The following MAP3K4 variants were observed in gnomAD, a reference collection of about 807,000 sequenced individuals.
MAP3K4 encodes mitogen-activated protein kinase kinase kinase 4.
MAP3K4 carries 67 observed loss-of-function variants against 185.6 expected under a neutral mutation model. That is an observed-to-expected ratio of 0.36 (90% CI 0.30 to 0.44). The LOEUF is 0.44. Among genes scored for constraint, MAP3K4 ranks in the 20% least tolerant of loss-of-function variants. The pLI is 1.00. For synonymous variants in MAP3K4, 702 were observed against 710.4 expected, an observed-to-expected ratio of 0.99 and a Z score of 0.19; for missense variants, 1,551 against 1,995.1, an observed-to-expected ratio of 0.78 and a Z score of 4.24.
At chr6:161,006,306 G>A (rs551113014) in intron 1 of MAP3K4, among the ~76,000 whole-genome samples, 1 of 152,190 alleles carries the variant, frequency 6.6e-6, no homozygotes, top group Non-Finnish European at 1.5e-5. Flanking sequence ...GTATCTGTGG[G>A]TTCTGCATCT....
In MAP3K4 at chr6:161,084,545, A is replaced by G. The variant is rs139355462; in HGVS notation, c.2300A>G (p.Glu767Gly). Residue 767 changes from glutamate to glycine, a missense_variant, in exon 7 of 27, where the codon GAA (glutamate) becomes GGA (glycine). Glu to Gly is a moderately conservative substitution (Grantham distance 98, BLOSUM62 -2). Coordinates refer to ENST00000392142, the MANE Select transcript of MAP3K4 (RefSeq NM_005922.4). This position sits in a 1 kb window ranked among gnomAD's most constrained non-coding sequence, Gnocchi z 4.6. ...CTGAAATCTACAGGAAGTTTTTTAG[A>G]ATTTGGCTTACAGGAGAGCTGTGCT... Reference protein sequence around the residue: ...MLLKSTGSFLEFGLQESCAEF... With the variant: ...MLLKSTGSFLGFGLQESCAEF... 86 of 1,611,260 alleles carry G rather than the reference A, an allele frequency of 5.3e-5. 1 individual carries two copies. Among genetic ancestry groups the G allele is most frequent in the Non-Finnish European group, 7.2e-5 (85 of 1,177,546 alleles).
rs1783601796 is a variant in MAP3K4 at position 161,043,832 on chromosome 6, TA to T, written c.344-4781del. ...ATTACTCTGAAGATCATCTCATACT[TA>T]AAGATTATCCATCTGTTTACATCTC... is the stretch of plus-strand genomic sequence containing the variant. On this transcript the variant is annotated intron_variant, in intron 2 of 26. Transcript: ENST00000392142. The surrounding 1 kb of genome is among the most constrained non-coding windows in gnomAD (Gnocchi z 4.3). Among the ~76,000 whole-genome samples the T allele has an allele frequency of 6.6e-6, 1 of 152,202 alleles. No homozygotes were observed.
At position 160,991,988 on chromosome 6, in the gene MAP3K4, C is replaced by G; in HGVS notation, c.57C>G (p.Ala19=). The change falls in exon 1 of 27, where the codon GCC becomes GCG. Residue 19 remains alanine (A), a synonymous_variant. Coordinates refer to ENST00000392142, the MANE Select transcript of MAP3K4 (RefSeq NM_005922.4). This position sits in a 1 kb window ranked among gnomAD's most constrained non-coding sequence, Gnocchi z 5.7. ...CTCCCGCCTTTGCCGTCACGCCTGCCGCCGCCATGGAGGAGCCGCCGCCAC... is the reference window on the plus strand; with the variant it reads ...CTCCCGCCTTTGCCGTCACGCCTGCGGCCGCCATGGAGGAGCCGCCGCCAC... ...VPPPAFAVTP[A]AAMEEPPPPP... is the part of the protein sequence containing the mutation. 6.5e-7 allele frequency: 1 copy of G among 1,546,392 alleles called. No homozygotes were observed. Among genetic ancestry groups the G allele is most frequent in the Non-Finnish European group, 8.7e-7 (1 of 1,152,594 alleles).
intron 10 of MAP3K4, 99 bp from the exon 11 acceptor site, chr6:161,089,223 T>G: frequency 1.5e-6 from 2 of 1,306,888 alleles, no homozygotes; most frequent in Non-Finnish European, 2.1e-6. Flanking sequence ...GTTGGCCTGG[T>G]ATCCCTGAGA....
intron 1 of MAP3K4, among the ~76,000 whole-genome samples, chr6:161,028,935 G>A (rs1782795838): frequency 6.6e-6 from 1 of 152,098 alleles, no homozygotes; most frequent in Non-Finnish European, 1.5e-5. Context: ...TAATAAATTG[G>A]CTCTTGTAGT....
intron 1 of MAP3K4, among the ~76,000 whole-genome samples, chr6:161,012,217 A>T (rs1442113371): frequency 6.6e-6 from 1 of 152,190 alleles, no homozygotes; most frequent in African/African-American, 2.4e-5. Context: ...GTCTTAATTC[A>T]CTGAACATCT....
chr6:161,011,720 G>A lies in MAP3K4; in HGVS notation c.152+19637G>A, dbSNP rs114461485. On this transcript the variant is annotated intron_variant, in intron 1 of 26. Transcript: ENST00000392142. ...AGAGAACCAAAGGAGGAGTATGTGT[G>A]TATTGAGGAACAGTTACTAAAAAGG... 2.3e-3 allele frequency among the ~76,000 whole-genome samples: 348 copies of A among 152,288 alleles called. 1 individual carries two copies. The highest frequency in any genetic ancestry group is 7.8e-3 in the African/African-American group (324 of 41,558).
rs921647809 is a variant in MAP3K4 at position 161,054,420 on chromosome 6, G to A, written c.1707+4441G>A. 4.6e-5 allele frequency among the ~76,000 whole-genome samples: 7 copies of A among 152,216 alleles called. No individual in the cohort carries two copies. Among genetic ancestry groups the A allele is most frequent in the African/African-American group, 1.7e-4 (7 of 41,448 alleles). On this transcript the variant is annotated intron_variant, in intron 3 of 26. Transcript: ENST00000392142. The surrounding 1 kb of genome is among the most constrained non-coding windows in gnomAD (Gnocchi z 4.2). Reference sequence around the variant, plus strand: ...TCCACCCGCCTTGGCCTCCCAAAGTGCTGGGATGATAGGTGTGAGCCACCG... The same window carrying A: ...TCCACCCGCCTTGGCCTCCCAAAGTACTGGGATGATAGGTGTGAGCCACCG...
chr6:161,075,261 C>T lies in MAP3K4; in HGVS notation c.2097+1649C>T, dbSNP rs1323056166. Among the ~76,000 whole-genome samples, 1 of 152,126 alleles carries T rather than the reference C, an allele frequency of 6.6e-6. No homozygotes were observed. Among genetic ancestry groups the T allele is most frequent in the East Asian group, 1.9e-4 (1 of 5,180 alleles). On this transcript the variant is annotated intron_variant, in intron 5 of 26. Coordinates refer to ENST00000392142, the MANE Select transcript of MAP3K4 (RefSeq NM_005922.4). This position sits in a 1 kb window ranked among gnomAD's most constrained non-coding sequence, Gnocchi z 4.3. The stretch of plus-strand genomic sequence containing the variant: ...TCTCAACCTACTGGGCTCAAACGAT[C>T]CTCCTGCCTCAGCCTCCCTAATAAC...
chr6:161,036,431 C>A (rs1389271906), intron 2 of MAP3K4, among the ~76,000 whole-genome samples: 2 of 152,168 alleles, frequency 1.3e-5, no homozygotes, highest in Non-Finnish European at 2.9e-5. Context: ...ATAAAAATCA[C>A]CCATTAAACC....
At chr6:161,039,279 CAAAAAAAAAA>C (rs3050259) in intron 2 of MAP3K4, among the ~76,000 whole-genome samples, 28 of 71,972 alleles carry the variant, frequency 3.9e-4, no homozygotes, top group African/African-American at 1.3e-3. Flanking sequence ...CGCAAAAATG[CAAAAAAAAAA>C]AAAAAAAAAA....
At position 161,063,334 on chromosome 6, in the gene MAP3K4, T is replaced by A. The variant is rs1286687773; in HGVS notation, c.1708-7274T>A. ...GTGGACATATCTTTCTGGCAAGCGCTCACTGTCTGGAGGGTTATTCTCCTT... is the reference window on the plus strand; with the variant it reads ...GTGGACATATCTTTCTGGCAAGCGCACACTGTCTGGAGGGTTATTCTCCTT... On this transcript the variant is annotated intron_variant, in intron 3 of 26. Coordinates refer to ENST00000392142, the MANE Select transcript of MAP3K4 (RefSeq NM_005922.4). This position sits in a 1 kb window ranked among gnomAD's most constrained non-coding sequence, Gnocchi z 5.4. 6.6e-6 allele frequency among the ~76,000 whole-genome samples: 1 copy of A among 152,202 alleles called. No homozygotes were observed. The highest frequency in any genetic ancestry group is 2.4e-5 in the African/African-American group (1 of 41,454).
intron 2 of MAP3K4, among the ~76,000 whole-genome samples, chr6:161,039,894 G>A (rs1005999533): frequency 6.6e-6 from 1 of 152,166 alleles, no homozygotes; most frequent in African/African-American, 2.4e-5. Flanking sequence ...TTATAACCAT[G>A]TTCCCTATAG....
At position 161,048,088 on chromosome 6, in the gene MAP3K4, T is replaced by G. The variant is rs1338673787; in HGVS notation, c.344-528T>G. Among the ~76,000 whole-genome samples the G allele has an allele frequency of 6.6e-6, 1 of 152,238 alleles. No individual in the cohort carries two copies. Among genetic ancestry groups the G allele is most frequent in the Non-Finnish European group, 1.5e-5 (1 of 68,042 alleles). ...TTGTCTGTCAACTGTCTTTCAGTTT[T>G]TTATGAGAATAATCTTAGGGTGCCT... On this transcript the variant is annotated intron_variant, in intron 2 of 26. Coordinates refer to ENST00000392142, the MANE Select transcript of MAP3K4 (RefSeq NM_005922.4). The surrounding 1 kb of genome is among the most constrained non-coding windows in gnomAD (Gnocchi z 4.7).
intron 1 of MAP3K4, among the ~76,000 whole-genome samples, chr6:160,993,071 A>G (rs1583074053): frequency 6.6e-6 from 1 of 152,106 alleles, no homozygotes; most frequent in Admixed American, 6.5e-5. Flanking sequence ...GAAAATTCAC[A>G]CCTGTAACTG....
rs1783820650 is a variant in MAP3K4, at chr6:161,048,111, C to T, written c.344-505C>T. 1 of 392,590 alleles carries T rather than the reference C, an allele frequency of 2.5e-6. No homozygotes were observed. Among genetic ancestry groups the T allele is most frequent in the South Asian group, 2.1e-5 (1 of 47,132 alleles). The allele number at this position is 392,590 out of a possible 1,614,324, so 24.3% of individuals were successfully genotyped here. On this transcript the variant is annotated intron_variant, in intron 2 of 26. Coordinates refer to ENST00000392142, the MANE Select transcript of MAP3K4 (RefSeq NM_005922.4). This position sits in a 1 kb window ranked among gnomAD's most constrained non-coding sequence, Gnocchi z 4.7. ...TTTTTATGAGAATAATCTTAGGGTG[C>T]CTTAAGTATTCTTGCATCAATGTGC...
At chr6:160,992,294 G>C (rs1780756365) in intron 1 of MAP3K4, 1 of 595,884 alleles carries the variant, frequency 1.7e-6, no homozygotes, top group African/African-American at 2.0e-5. Flanking sequence ...TTGCAGCTCC[G>C]CAGGGTTCCG....
Position 161,087,961 on chromosome 6 carries a change from C to G in MAP3K4, c.2823+7C>G, listed in dbSNP as rs746966384. On this transcript the variant is annotated splice_region_variant and intron_variant, in intron 10 of 26. Coordinates refer to ENST00000392142, the MANE Select transcript of MAP3K4 (RefSeq NM_005922.4). The surrounding 1 kb of genome is among the most constrained non-coding windows in gnomAD (Gnocchi z 4.9). ...CACCCTGAGAAGCATGCAGGTACAG[C>G]TCATCTCCATCTTTGCAGCAGTGTT... The G allele has an allele frequency of 1.2e-6, 2 of 1,605,312 alleles. No homozygotes were observed. The highest frequency in any genetic ancestry group is 1.7e-6 in the Non-Finnish European group (2 of 1,177,646).
At chr6:161,003,075 A>G (rs770170440) in intron 1 of MAP3K4, among the ~76,000 whole-genome samples, 19 of 152,304 alleles carry the variant, frequency 1.2e-4, no homozygotes, top group South Asian at 1.0e-3. Context: ...TCCACTTACA[A>G]TTAGTGACTT....
Sources: allele counts gnomAD v4.1 joint callset (sites outside exome capture counted in the v4.1 genomes callset), GRCh38; gene constraint gnomAD v4.1.1; non-coding constraint Gnocchi (gnomAD v3.1); transcripts MANE v1.5; gene names NCBI Gene and HGNC (gene_info 2026-07-23, HGNC 2026-07-21).